BEND5: variants seen among roughly 807,000 people sequenced by gnomAD.
BEND5 encodes the protein BEN domain containing 5, also known as BEN domain-containing protein 5.
In BEND5, 22 loss-of-function variants were observed where a neutral mutation model predicts 43.9. The ratio of observed to expected loss-of-function variants is 0.50; its 90% confidence interval spans 0.36 to 0.72. The LOEUF is 0.72. Among genes scored for constraint, BEND5 ranks in the 30% least tolerant of loss-of-function variants. The probability of loss-of-function intolerance (pLI) is 0.00; values close to 1 mark genes in which losing one functional copy is unlikely to be tolerated. For synonymous variants in BEND5, 228 were observed against 225.9 expected, an observed-to-expected ratio of 1.01 and a Z score of -0.08; for missense variants, 428 against 550.6, an observed-to-expected ratio of 0.78 and a Z score of 2.23.
rs903514386 is a variant in BEND5 at position 48,749,490 on chromosome 1, G to A, written c.746-6719C>T. 5.3e-5 allele frequency among the ~76,000 whole-genome samples: 8 copies of A among 152,286 alleles called. No individual in the cohort carries two copies. The East Asian group carries it at 7.7e-4, about 15-fold the overall frequency. On this transcript the variant is annotated intron_variant, in intron 3 of 5. Transcript: ENST00000371833. Reference sequence around the variant, plus strand: ...AAGTAACTTGCCAGAAGTCACATAGGTGGTGAGTGCTCAAACTCAGGGTTG... The same window carrying A: ...AAGTAACTTGCCAGAAGTCACATAGATGGTGAGTGCTCAAACTCAGGGTTG...
At chr1:48,769,901 T>A (rs1186965075) in intron 1 of BEND5, among the ~76,000 whole-genome samples, 1 of 152,208 alleles carries the variant, frequency 6.6e-6, no homozygotes, top group Non-Finnish European at 1.5e-5. Context: ...CTATGTAACT[T>A]CAAAGCCTGT....
intron 5 of BEND5, among the ~76,000 whole-genome samples, chr1:48,730,751 G>C (rs1305314338): frequency 6.6e-6 from 1 of 152,168 alleles, no homozygotes; most frequent in African/African-American, 2.4e-5. Context: ...CTCTGCGAGG[G>C]AGCATTTGAG....
chr1:48,755,994 G>A (rs1557951990), intron 3 of BEND5, among the ~76,000 whole-genome samples: 3 of 152,118 alleles, frequency 2.0e-5, no homozygotes, highest in Non-Finnish European at 4.4e-5. Context: ...TACTGGCTGG[G>A]GGTGCCCGAG....
intron 1 of BEND5, among the ~76,000 whole-genome samples, chr1:48,767,835 A>T (rs1644604859): frequency 6.6e-6 from 1 of 152,158 alleles, no homozygotes; most frequent in Non-Finnish European, 1.5e-5. Context: ...ACCACCAAAG[A>T]TTTGGGCATT....
At chr1:48,749,743 A>T (rs1238798179) in intron 3 of BEND5, among the ~76,000 whole-genome samples, 1 of 152,204 alleles carries the variant, frequency 6.6e-6, no homozygotes, top group Non-Finnish European at 1.5e-5. Context: ...TGGCCAGGGA[A>T]AACTGGACTG....
chr1:48,770,037 GT>G (rs1644735024), intron 1 of BEND5, among the ~76,000 whole-genome samples: 6 of 152,234 alleles, frequency 3.9e-5, no homozygotes, highest in African/African-American at 1.4e-4. Flanking sequence ...GCCACCTTTA[GT>G]GACAGGGAGC....
At chr1:48,753,302 T>TA (rs571300450) in intron 3 of BEND5, among the ~76,000 whole-genome samples, 66 of 152,302 alleles carry the variant, frequency 4.3e-4, no homozygotes, top group African/African-American at 1.6e-3. Flanking sequence ...TGAGAAGGGT[T>TA]AAACAAATGT....
chr1:48,734,603 C>T (rs1397107051), intron 5 of BEND5, among the ~76,000 whole-genome samples: 2 of 152,242 alleles, frequency 1.3e-5, no homozygotes, highest in African/African-American at 2.4e-5. Flanking sequence ...CCATCTGGGG[C>T]TTCTTCACAC....
rs988164226 is a variant in BEND5, at chr1:48,736,439, C to T, written c.908G>A (p.Ser303Asn). 1.9e-6 allele frequency: 3 copies of T among 1,614,176 alleles called. No individual in the cohort carries two copies. In the Admixed American group the frequency reaches 5.0e-5, roughly 27 times the overall value. ...TTTCTCCTCATCAACCCAAATCCCG[C>T]TTCCCAGATGGACCTGAGAGGAATA... ...ILDNGKVHLG[S>N]GIWVDEEKWH... The change falls in exon 5 of 6, where the codon AGC (serine) becomes AAC (asparagine). Residue 303 changes from serine to asparagine, a missense_variant. Around this residue, in one of 4 missense-constraint regions of BEND5, gnomAD observed 75 missense variants for 148.5 expected, o/e 0.50. Transcript: ENST00000371833. This position sits in a 1 kb window ranked among gnomAD's most constrained non-coding sequence, Gnocchi z 4.0.
chr1:48,776,778 C>T lies in BEND5; in HGVS notation c.54G>A (p.Val18=), dbSNP rs1006396750. 122 of 1,524,346 alleles carry T rather than the reference C, an allele frequency of 8.0e-5. No homozygotes were observed. The highest frequency in any genetic ancestry group is 1.0e-4 in the Non-Finnish European group (117 of 1,136,486). 94.4% of individuals were successfully genotyped at this position (1,524,346 alleles called of 1,614,324 possible). The change falls in exon 1 of 6, where the codon GTG becomes GTA. Residue 18 remains valine (V), a synonymous_variant. Transcript: ENST00000371833. Reference sequence around the variant, plus strand: ...GGGGGCTGAAGTCGCGCACGCACGACACGGGCAGCGCGTAGCAGACGTTGT... The same window carrying T: ...GGGGGCTGAAGTCGCGCACGCACGATACGGGCAGCGCGTAGCAGACGTTGT... ...LEDNVCYALP[V]SCVRDFSPRS...
At chr1:48,759,789 G>A (rs577694715) in intron 2 of BEND5, among the ~76,000 whole-genome samples, 8 of 152,132 alleles carry the variant, frequency 5.3e-5, no homozygotes, top group African/African-American at 1.7e-4. Flanking sequence ...ACTTTTCATC[G>A]ACAATGCTTT....
At chr1:48,755,824 A>G (rs1163935011) in intron 3 of BEND5, among the ~76,000 whole-genome samples, 1 of 152,150 alleles carries the variant, frequency 6.6e-6, no homozygotes, top group African/African-American at 2.4e-5. Flanking sequence ...TCTTCTTTGT[A>G]TCTCCCTAAG....
At chr1:48,757,822 C>G (rs1391979867) in intron 3 of BEND5, among the ~76,000 whole-genome samples, 1 of 152,146 alleles carries the variant, frequency 6.6e-6, no homozygotes, top group Admixed American at 6.5e-5. Context: ...GGGGATATTT[C>G]TAGACTAGAT....
At chr1:48,758,633 G>A (rs186237459) in intron 3 of BEND5, among the ~76,000 whole-genome samples, 276 of 152,316 alleles carry the variant, frequency 1.8e-3, no homozygotes, top group Non-Finnish European at 2.7e-3. Context: ...ATAAGGGACT[G>A]AGCAGTGACA....
At chr1:48,748,518 C>A (rs1032983000) in intron 3 of BEND5, among the ~76,000 whole-genome samples, 2 of 152,166 alleles carry the variant, frequency 1.3e-5, no homozygotes, top group African/African-American at 4.8e-5. Flanking sequence ...GGAGGGGGTG[C>A]TGCCTCTGGA....
chr1:48,731,991 C>T (rs1648215042), intron 5 of BEND5, among the ~76,000 whole-genome samples: 1 of 151,958 alleles, frequency 6.6e-6, no homozygotes, highest in South Asian at 2.1e-4. Flanking sequence ...ATGAGAAGGG[C>T]AGTACTGTGG....
chr1:48,759,216 C>T lies in BEND5; in HGVS notation c.429G>A (p.Glu143=). ...KSIEAVVARL[E]KQNGLSLGHS... Reference sequence around the variant, plus strand: ...GGCCCAGGCTCAGGCCGTTCTGCTTCTCTAGCCGAGCCACCACTGCCTCGA... The same window carrying T: ...GGCCCAGGCTCAGGCCGTTCTGCTTTTCTAGCCGAGCCACCACTGCCTCGA... Residue 143 remains glutamate, a synonymous_variant, in exon 3 of 6, where the codon GAG becomes GAA. Transcript: ENST00000371833. The T allele has an allele frequency of 6.2e-7, 1 of 1,605,070 alleles. No individual in the cohort carries two copies. The highest frequency in any genetic ancestry group is 8.5e-7 in the Non-Finnish European group (1 of 1,176,010).
At chr1:48,734,929 C>G (rs945783752) in intron 5 of BEND5, among the ~76,000 whole-genome samples, 1 of 152,200 alleles carries the variant, frequency 6.6e-6, no homozygotes, top group Non-Finnish European at 1.5e-5. Flanking sequence ...GGACACTAGT[C>G]AGTGGTTAGG....
intron 5 of BEND5, among the ~76,000 whole-genome samples, chr1:48,734,414 T>C (rs1648676961): frequency 6.6e-6 from 1 of 152,192 alleles, no homozygotes; most frequent in South Asian, 2.1e-4. Flanking sequence ...CAGCAGCATC[T>C]CTCACCAAGA....
Sources: gnomAD v4.1 joint callset for allele counts (sites outside exome capture counted in the v4.1 genomes callset) on GRCh38, gnomAD v4.1.1 for gene constraint, gnomAD v4.1.1 regional missense constraint, Gnocchi (gnomAD v3.1) non-coding constraint, MANE v1.5 for transcripts, NCBI Gene and HGNC (gene_info 2026-07-23, HGNC 2026-07-21) for gene names.